Variants in FANCD2 observed in about 807,000 individuals in gnomAD.
The protein encoded by FANCD2 is FA complementation group D2.
Under a neutral mutation model 192.3 loss-of-function variants are expected in FANCD2, and 131 were observed. The observed-to-expected ratio is 0.68, with a 90% CI of 0.59 to 0.79. The LOEUF (loss-of-function observed/expected upper bound fraction) is 0.79. Among genes scored for constraint, FANCD2 ranks in the 30% least tolerant of loss-of-function variants. FANCD2 has a pLI of 0.00. For synonymous variants in FANCD2, 524 were observed against 612.5 expected (o/e 0.86, Z 2.13); for missense variants, 1,508 against 1,701.6 (o/e 0.89, Z 2.00).
At chr3:10,027,523 A>C (rs1469911556) in intron 1 of FANCD2, among the ~76,000 whole-genome samples, 1 of 152,186 alleles carries the variant, frequency 6.6e-6, no homozygotes, top group Non-Finnish European at 1.5e-5. Flanking sequence ...TCCTTGTTTC[A>C]GTATGAGTAT....
intron 42 of FANCD2, among the ~76,000 whole-genome samples, chr3:10,097,613 G>T (rs1440834218): frequency 1.3e-5 from 2 of 152,148 alleles, no homozygotes; most frequent in African/African-American, 2.4e-5. Context: ...TTTTCAGGGT[G>T]CCCACATTTC....
intron 18 of FANCD2, among the ~76,000 whole-genome samples, chr3:10,059,145 C>G (rs1426268057): frequency 6.6e-6 from 1 of 152,048 alleles, no homozygotes; most frequent in Non-Finnish European, 1.5e-5. Context: ...TTCCGAGTAG[C>G]CAGGACCACA....
At position 10,046,116 on chromosome 3, in the gene FANCD2, C is replaced by T. The variant is rs564959157; in HGVS notation, c.1135-464C>T. Reference sequence around the variant, plus strand: ...TCACCCAGGCTGGAGTGCAGTGGCGCGATCTCGGCTCACTGTAAGCTCTGC... The same window carrying T: ...TCACCCAGGCTGGAGTGCAGTGGCGTGATCTCGGCTCACTGTAAGCTCTGC... On this transcript the variant is annotated intron_variant, in intron 14 of 43. Coordinates refer to ENST00000675286, the MANE Select transcript of FANCD2 (RefSeq NM_001018115.3). Among the ~76,000 whole-genome samples the T allele has an allele frequency of 4.9e-5, 7 of 143,884 alleles. No homozygotes were observed. In the South Asian group the frequency reaches 8.7e-4, roughly 18 times the overall value. The allele number at this position is 143,884 out of a possible 152,430, so 94.4% of individuals were successfully genotyped here. A position where few individuals can be genotyped will look rare whatever the true frequency, so the allele number is the denominator to read the frequency against.
chr3:10,092,582 C>T (rs1027389277), intron 38 of FANCD2, among the ~76,000 whole-genome samples: 5 of 151,844 alleles, frequency 3.3e-5, no homozygotes, highest in South Asian at 2.1e-4. Context: ...TGAATGCCCT[C>T]GTTCTCCTTT....
rs1180549745 is a variant in FANCD2 at position 10,039,732 on chromosome 3, C to T, written c.582C>T (p.Thr194=). The T allele has an allele frequency of 6.2e-7, 1 of 1,613,926 alleles. No homozygotes were observed. Among genetic ancestry groups the T allele is most frequent in the African/African-American group, 1.3e-5 (1 of 74,884 alleles). Residue 194 remains threonine (T), a synonymous_variant, in exon 9 of 44, where the codon ACC becomes ACT. Transcript: ENST00000675286. ...GTCTTCTACTGCAGGACCTCACCACCAAGATCATGCAGCTGATCAGTATTG... is the reference window on the plus strand; with the variant it reads ...GTCTTCTACTGCAGGACCTCACCACTAAGATCATGCAGCTGATCAGTATTG... The part of the protein sequence containing the change: ...DRVVDGKDLT[T]KIMQLISIAP...
chr3:10,051,380 C>CAAAAAAAAAAA (rs35760922), intron 17 of FANCD2, among the ~76,000 whole-genome samples: 2 of 8,700 alleles, frequency 2.3e-4, no homozygotes, highest in African/African-American at 3.7e-4. Flanking sequence ...GACTCCGTCT[C>CAAAAAAAAAAA]AAAAAAAAAA....
rs1408002929 is a variant in FANCD2, at chr3:10,050,826, C to CT, written c.1545+1323dup. 2.6e-5 allele frequency among the ~76,000 whole-genome samples: 4 copies of CT among 152,214 alleles called. No homozygotes were observed. In the East Asian group the frequency reaches 7.7e-4, roughly 29 times the overall value. ...GATTGGCCGGGCACAGTGACTCATG[C>CT]TTGTAATACCAGCACTTTGGGAGGC... On this transcript the variant is annotated intron_variant, in intron 17 of 43. Transcript: ENST00000675286.
In FANCD2 at chr3:10,043,474, C is replaced by A. The variant is rs750235266; in HGVS notation, c.990-10C>A. 4.0e-5 allele frequency: 64 copies of A among 1,607,594 alleles called. No individual in the cohort carries two copies. In the South Asian group the frequency reaches 6.6e-4, roughly 17 times the overall value. ...AGAAGAGTAATTTTTTTCCTCTCTG[C>A]TACTTGTAGTTCCTCAGGAAATCAA... On this transcript the variant is annotated splice_polypyrimidine_tract_variant and intron_variant, in intron 12 of 43. Coordinates refer to ENST00000675286, the MANE Select transcript of FANCD2 (RefSeq NM_001018115.3).
In FANCD2 at chr3:10,064,789, G is replaced by T. The variant is rs1575792797; in HGVS notation, c.2082G>T (p.Gly694=). 1 of 1,614,032 alleles carries T rather than the reference G, an allele frequency of 6.2e-7. No homozygotes were observed. Residue 694 remains glycine, a synonymous_variant, in exon 23 of 44, where the codon GGG becomes GGT. Coordinates refer to ENST00000675286, the MANE Select transcript of FANCD2 (RefSeq NM_001018115.3). The part of the protein sequence containing the change: ...YGLEEYDTQD[G]IAINLLPLLF... Reference sequence around the variant, plus strand: ...TGGAAGAATACGACACTCAGGATGGGATTGCCATAAACCTCCTGCCGCTGC... The same window carrying T: ...TGGAAGAATACGACACTCAGGATGGTATTGCCATAAACCTCCTGCCGCTGC...
At chr3:10,026,924 T>C (rs575167661) in intron 1 of FANCD2, among the ~76,000 whole-genome samples, 63 of 152,296 alleles carry the variant, frequency 4.1e-4, no homozygotes, top group African/African-American at 1.4e-3. Context: ...TAGAAGTCAT[T>C]ATAATCATCA....
In FANCD2 at chr3:10,072,973, G is replaced by T. The variant is rs1693338413; in HGVS notation, c.2597G>T (p.Gly866Val). ...ATTTCAGCAAAAATCAGAAAGAAAG[G>T]AAAAATAGGTAAGTATGTTCTTTTC... ...TAISAKIRKK[G>V]KIERKQKTDG... The change falls in exon 27 of 44, where the codon GGA becomes GTA. Residue 866 changes from glycine to valine, a missense_variant. Transcript: ENST00000675286. The T allele has an allele frequency of 6.5e-7, 1 of 1,541,924 alleles. No homozygotes were observed. Among genetic ancestry groups the T allele is most frequent in the South Asian group, 1.1e-5 (1 of 89,642 alleles).
intron 26 of FANCD2, among the ~76,000 whole-genome samples, chr3:10,071,601 A>G (rs1693248885): frequency 6.6e-6 from 1 of 152,198 alleles, no homozygotes; most frequent in Non-Finnish European, 1.5e-5. Flanking sequence ...ATATTTTCAC[A>G]TATTTGTGGG....
intron 3 of FANCD2, among the ~76,000 whole-genome samples, chr3:10,033,804 C>T (rs1196789016): frequency 2.0e-3 from 30 of 15,078 alleles, no homozygotes; most frequent in African/African-American, 0.017. Context: ...AGGTTCACAC[C>T]ATTCTGCCTC....
intron 7 of FANCD2, among the ~76,000 whole-genome samples, 164 bp from the exon 8 acceptor site, chr3:10,039,115 C>G (rs560091303): frequency 4.6e-5 from 7 of 152,238 alleles, no homozygotes; most frequent in Admixed American, 6.5e-5. Context: ...GCATGTATCT[C>G]CTGCATCTTG....
chr3:10,095,426 C>T (rs967059046), intron 41 of FANCD2, 152 bp downstream of exon 41: 27 of 699,228 alleles, frequency 3.9e-5, no homozygotes, highest in Non-Finnish European at 6.8e-5. Context: ...CTTAGTTGCT[C>T]CTTGAGATTG....
chr3:10,030,826 G>A (rs35414488), intron 2 of FANCD2, among the ~76,000 whole-genome samples: 29,850 of 151,988 alleles, frequency 0.2, 3,430 homozygotes, highest in African/African-American at 0.32. Context: ...CTTGAACCCC[G>A]GAGGTGGAGG....
At position 10,074,635 on chromosome 3, in the gene FANCD2, G is replaced by C. The variant is rs1693436892; in HGVS notation, c.2821G>C (p.Val941Leu). 1.2e-6 allele frequency: 2 copies of C among 1,613,836 alleles called. No homozygotes were observed. The highest frequency in any genetic ancestry group is 1.7e-6 in the Non-Finnish European group (2 of 1,179,866). ...CTTCTCTATTCTACATTGTGGACTT[G>C]TGACGAAGTTCATCTTAGATACTGA... ...EVFSILHCGL[V>L]TKFILDTEMH... Residue 941 changes from valine to leucine, a missense_variant, in exon 29 of 44, where the codon GTG (valine) becomes CTG (leucine). By Grantham distance (32) the Val-to-Leu change is conservative. Transcript: ENST00000675286.
rs1695303904 is a variant in FANCD2, at chr3:10,101,568, T to C, written c.*306T>C. 2 of 410,724 alleles carry C rather than the reference T, an allele frequency of 4.9e-6. No individual in the cohort carries two copies. The highest frequency in any genetic ancestry group is 9.1e-6 in the Non-Finnish European group (2 of 219,970). The allele number at this position is 410,724 out of a possible 1,614,324, so 25.4% of individuals were successfully genotyped here. ...GCCCAGCTAATTTTTGTATTTTTAG[T>C]AGATACGGGGTTTTACCATGTCGGC... On this transcript the variant is annotated 3_prime_UTR_variant, in exon 44 of 44. Transcript: ENST00000675286.
chr3:10,027,708 A>C (rs999930475), intron 1 of FANCD2, among the ~76,000 whole-genome samples: 1 of 150,854 alleles, frequency 6.6e-6, no homozygotes, highest in Non-Finnish European at 1.5e-5. Flanking sequence ...GATCAAGACT[A>C]TCCTGGGTAA....
Sources: allele counts gnomAD v4.1 joint callset (sites outside exome capture counted in the v4.1 genomes callset), GRCh38; gene constraint gnomAD v4.1.1; transcripts MANE v1.5; gene names NCBI Gene and HGNC (gene_info 2026-07-23, HGNC 2026-07-21).